ABCA13: variants seen among roughly 807,000 people sequenced by gnomAD.
ABCA13 encodes ATP binding cassette subfamily A member 13.
In ABCA13, 476 loss-of-function variants were observed where a neutral mutation model predicts 478.7. The ratio of observed to expected loss-of-function variants is 0.99; its 90% CI spans 0.92 to 1.07. The LOEUF (loss-of-function observed/expected upper bound fraction) is 1.07. Ranked by LOEUF, ABCA13 falls within the 50% of genes least tolerant of loss-of-function variation. ABCA13 has a pLI of 0.00. For missense variants in ABCA13, 6,060 were observed against 5,910.6 expected (o/e 1.03, Z -0.83); for synonymous variants, 2,252 against 2,158.9 (o/e 1.04, Z -1.20).
At chr7:48,412,203 T>G in intron 40 of ABCA13, 150 bp from the exon 41 acceptor site, 19 of 613,854 alleles carry the variant, frequency 3.1e-5, no homozygotes, top group Non-Finnish European at 3.6e-5. Context: ...GAGATGTCAT[T>G]GAGATGCCTA....
chr7:48,177,416 G>A (rs1453919443), intron 1 of ABCA13, among the ~76,000 whole-genome samples: 1 of 152,208 alleles, frequency 6.6e-6, no homozygotes, highest in Admixed American at 6.5e-5. Context: ...TAGTGGGGCT[G>A]GGGTGCTGCT....
intron 34 of ABCA13, 69 bp from the exon 35 acceptor site, chr7:48,376,372 C>T (rs1022443704): frequency 1.9e-5 from 30 of 1,548,668 alleles, no homozygotes; most frequent in African/African-American, 2.8e-5. Context: ...AAGTAATGAA[C>T]TCATCATGAC....
chr7:48,613,199 T>A (rs1443029130), intron 58 of ABCA13, among the ~76,000 whole-genome samples: 2 of 152,050 alleles, frequency 1.3e-5, no homozygotes, highest in Non-Finnish European at 2.9e-5. Flanking sequence ...TTCTTTCTTT[T>A]TTTTTTGAGA....
chr7:48,370,611 G>A (rs1343229658), intron 32 of ABCA13, among the ~76,000 whole-genome samples: 1 of 152,128 alleles, frequency 6.6e-6, no homozygotes, highest in African/African-American at 2.4e-5. Context: ...CAAATACATG[G>A]AAATTAAATA....
intron 59 of ABCA13, among the ~76,000 whole-genome samples, chr7:48,635,632 A>T (rs1246177918): frequency 2.0e-5 from 3 of 152,188 alleles, no homozygotes; most frequent in African/African-American, 4.8e-5. Flanking sequence ...TGGCAGCTTA[A>T]CCTCATGAAC....
At chr7:48,276,610 T>A in intron 17 of ABCA13, 45 bp downstream of exon 17, 1 of 1,487,418 alleles carries the variant, frequency 6.7e-7, no homozygotes, top group Non-Finnish European at 9.3e-7. Context: ...TTGCGATATA[T>A]CTCAAACTAC....
chr7:48,580,386 T>TTTA lies in ABCA13; in HGVS notation c.14505+12_14505+13insTTA. The stretch of plus-strand genomic sequence containing the variant: ...AGTGCATCCCTGAGGTAAATCTCCC[T>TTTA]GGGGTCTTCTAGATAAAGGGACCCA... On this transcript the variant is annotated intron_variant, in intron 56 of 61. Transcript: ENST00000435803. 2 of 1,607,310 alleles carry TTTA rather than the reference T, an allele frequency of 1.2e-6. No individual in the cohort carries two copies. Among genetic ancestry groups the TTTA allele is most frequent in the South Asian group, 2.2e-5 (2 of 89,582 alleles).
chr7:48,404,701 A>T (rs893981337), intron 39 of ABCA13: 3 of 152,336 alleles, frequency 2.0e-5, no homozygotes, highest in Non-Finnish European at 4.4e-5. Flanking sequence ...TTTTCTTAGC[A>T]TATAGAGGGC....
chr7:48,376,274 C>T (rs1186876582), intron 34 of ABCA13, among the ~76,000 whole-genome samples, 167 bp from the exon 35 acceptor site: 2 of 152,120 alleles, frequency 1.3e-5, no homozygotes, highest in African/African-American at 4.8e-5. Context: ...TGTAAGATTG[C>T]ACAAGTTAAC....
chr7:48,455,179 C>G lies in ABCA13; in HGVS notation c.12708C>G (p.Phe4236Leu). 2 of 1,588,404 alleles carry G rather than the reference C, an allele frequency of 1.3e-6. No individual in the cohort carries two copies. Among genetic ancestry groups the G allele is most frequent in the Non-Finnish European group, 1.7e-6 (2 of 1,167,742 alleles). The stretch of plus-strand genomic sequence containing the variant: ...CCGACCTGCTGCTGCCAGTCCTCTT[C>G]GTGGCCTTGGCCATGGGCTTGTTCA... ...TLADLLLPVL[F>L]VALAMGLFMV... The change falls in exon 43 of 62, where the codon TTC (phenylalanine) becomes TTG (leucine). Residue 4236 changes from phenylalanine to leucine, a missense_variant. By Grantham distance (22) the Phe-to-Leu change is conservative (BLOSUM62 0). Around this residue, in one of 3 missense-constraint regions of ABCA13, gnomAD observed 1,627 missense variants for 1,571.0 expected, o/e 1.04. Coordinates refer to ENST00000435803, the MANE Select transcript of ABCA13 (RefSeq NM_152701.5).
chr7:48,349,676 G>C (rs1563098252), intron 29 of ABCA13, among the ~76,000 whole-genome samples: 1 of 152,232 alleles, frequency 6.6e-6, no homozygotes, highest in Non-Finnish European at 1.5e-5. Context: ...AAGCAAGCAT[G>C]AGAGGCAGAG....
At chr7:48,525,528 A>C (rs78379346) in intron 54 of ABCA13, among the ~76,000 whole-genome samples, 1,960 of 152,224 alleles carry the variant, frequency 0.013, 34 homozygotes, top group African/African-American at 0.044. Context: ...CCAAAGATAC[A>C]GGGAAACTGT....
Position 48,587,258 on chromosome 7 carries a change from C to T in ABCA13, c.14610C>T (p.Ala4870=), listed in dbSNP as rs1422777678. 2 of 1,610,716 alleles carry T rather than the reference C, an allele frequency of 1.2e-6. No individual in the cohort carries two copies. Among genetic ancestry groups the T allele is most frequent in the African/African-American group, 1.3e-5 (1 of 74,966 alleles). The change falls in exon 57 of 62, where the codon GCC becomes GCT. Residue 4870 remains alanine (A), a synonymous_variant. Coordinates refer to ENST00000435803, the MANE Select transcript of ABCA13 (RefSeq NM_152701.5). ...AGCGGAAACTCTCTACAGCCCTGGC[C>T]CTGGTGGGGAAACCTGACATTCTTT... ...GTKRKLSTAL[A]LVGKPDILLL...
chr7:48,244,029 C>T (rs1443657016), intron 10 of ABCA13, among the ~76,000 whole-genome samples: 2 of 152,192 alleles, frequency 1.3e-5, no homozygotes, highest in African/African-American at 4.8e-5. Context: ...TCCAGCTTCT[C>T]TTCTCAGTTG....
At chr7:48,377,347 T>C (rs1016664042) in intron 35 of ABCA13, among the ~76,000 whole-genome samples, 3 of 152,202 alleles carry the variant, frequency 2.0e-5, no homozygotes, top group Non-Finnish European at 4.4e-5. Flanking sequence ...GATAACACTT[T>C]GATGGTGGTG....
In ABCA13 at chr7:48,271,826, G is replaced by T; in HGVS notation, c.2160G>T (p.Lys720Asn). 10 of 1,553,718 alleles carry T rather than the reference G, an allele frequency of 6.4e-6. No individual in the cohort carries two copies. The highest frequency in any genetic ancestry group is 8.7e-6 in the Non-Finnish European group (10 of 1,148,736). ...NFTKHLLMME[K>N]KLHTLEDEQM... ...CAAAGCACCTTCTAATGATGGAAAAGAAGTTGCACACCCTTGAGGATGAAC... is the reference window on the plus strand; with the variant it reads ...CAAAGCACCTTCTAATGATGGAAAATAAGTTGCACACCCTTGAGGATGAAC... The change falls in exon 17 of 62, where the codon AAG becomes AAT. Residue 720 changes from lysine (K) to asparagine (N), a missense_variant. Transcript: ENST00000435803.
intron 55 of ABCA13, among the ~76,000 whole-genome samples, chr7:48,543,798 A>C (rs1007776535): frequency 2.0e-5 from 3 of 151,854 alleles, no homozygotes; most frequent in Non-Finnish European, 4.4e-5. Flanking sequence ...ACTAAAATGT[A>C]GTGCACAATT....
chr7:48,561,767 A>C (rs2131266691), intron 55 of ABCA13, among the ~76,000 whole-genome samples: 1 of 151,324 alleles, frequency 6.6e-6, no homozygotes, highest in East Asian at 1.9e-4. Flanking sequence ...CTATTGCTTG[A>C]GTTTTTGGAG....
At chr7:48,618,736 C>A (rs1792848040) in intron 59 of ABCA13, among the ~76,000 whole-genome samples, 1 of 152,088 alleles carries the variant, frequency 6.6e-6, no homozygotes, top group Non-Finnish European at 1.5e-5. Flanking sequence ...TTGTCTAGTA[C>A]CTGTGCCTGG....
Sources: gnomAD v4.1 joint callset for allele counts (sites outside exome capture counted in the v4.1 genomes callset) on GRCh38, gnomAD v4.1.1 for gene constraint, gnomAD v4.1.1 regional missense constraint, MANE v1.5 for transcripts, NCBI Gene and HGNC (gene_info 2026-07-23, HGNC 2026-07-21) for gene names.